GUCY1A2: variants seen among roughly 807,000 people sequenced by gnomAD.
GUCY1A2 encodes guanylate cyclase soluble subunit alpha-2.
GUCY1A2 carries 27 observed loss-of-function variants against 63.5 expected under a neutral mutation model. The observed-to-expected ratio is 0.43, with a 90% confidence interval of 0.31 to 0.59. GUCY1A2 has a LOEUF of 0.59. Ranked by LOEUF, GUCY1A2 falls within the 20% of genes least tolerant of loss-of-function variation. The pLI is 0.11. For synonymous variants in GUCY1A2, 364 were observed against 343.5 expected, an observed-to-expected ratio of 1.06 and a Z score of -0.66; for missense variants, 768 against 913.3, an observed-to-expected ratio of 0.84 and a Z score of 2.05.
intron 4 of GUCY1A2, among the ~76,000 whole-genome samples, chr11:106,858,736 G>C (rs1457629571): frequency 6.6e-6 from 1 of 151,994 alleles, no homozygotes; most frequent in Non-Finnish European, 1.5e-5. Flanking sequence ...TATTGTTCTA[G>C]GCCTAAATCT....
intron 1 of GUCY1A2, among the ~76,000 whole-genome samples, chr11:107,010,044 T>G (rs970881463): frequency 2.0e-5 from 3 of 152,194 alleles, no homozygotes; most frequent in African/African-American, 7.2e-5. Flanking sequence ...TGAGAGCTAC[T>G]AGATTAAATG....
At chr11:106,708,342 A>C (rs1321560876) in intron 7 of GUCY1A2, among the ~76,000 whole-genome samples, 170 bp downstream of exon 7, 2 of 152,108 alleles carry the variant, frequency 1.3e-5, no homozygotes, top group African/African-American at 4.8e-5. Flanking sequence ...CACAGAGTGC[A>C]AATAAAAGTT....
chr11:106,727,531 C>T (rs1287324203), intron 6 of GUCY1A2, among the ~76,000 whole-genome samples: 2 of 152,074 alleles, frequency 1.3e-5, no homozygotes, highest in Non-Finnish European at 2.9e-5. Context: ...TTTCTTATGC[C>T]CCTGAAGAAT....
At chr11:106,768,725 G>A (rs1864205020) in intron 6 of GUCY1A2, among the ~76,000 whole-genome samples, 1 of 152,154 alleles carries the variant, frequency 6.6e-6, no homozygotes, top group Non-Finnish European at 1.5e-5. Context: ...AGATATGGCA[G>A]AAGATAAACC....
chr11:106,813,330 G>T (rs887242424), intron 4 of GUCY1A2, among the ~76,000 whole-genome samples: 5 of 151,828 alleles, frequency 3.3e-5, no homozygotes, highest in Admixed American at 2.0e-4. Flanking sequence ...TTGGTTGTCA[G>T]GTTCTGTTAA....
chr11:106,955,290 G>A (rs1860968436), intron 3 of GUCY1A2, among the ~76,000 whole-genome samples: 1 of 152,046 alleles, frequency 6.6e-6, no homozygotes, highest in South Asian at 2.1e-4. Context: ...CTTTTAAGTG[G>A]GGCATTTAGC....
intron 4 of GUCY1A2, among the ~76,000 whole-genome samples, chr11:106,910,520 C>A (rs1025320812): frequency 2.0e-5 from 3 of 152,038 alleles, no homozygotes; most frequent in African/African-American, 7.2e-5. Context: ...CTGGCTCATC[C>A]ATGACTATGG....
At chr11:106,769,949 T>A (rs1227590158) in intron 6 of GUCY1A2, among the ~76,000 whole-genome samples, 1 of 152,052 alleles carries the variant, frequency 6.6e-6, no homozygotes, top group African/African-American at 2.4e-5. Context: ...ATTAATTAGG[T>A]TACCAAATAC....
intron 4 of GUCY1A2, among the ~76,000 whole-genome samples, chr11:106,843,713 C>T (rs1442524206): frequency 6.6e-6 from 1 of 151,872 alleles, no homozygotes; most frequent in African/African-American, 2.4e-5. Flanking sequence ...AGATGGTTTA[C>T]CCAAAGTTTC....
chr11:106,682,055 G>A lies in GUCY1A2; in HGVS notation c.*5494C>T, dbSNP rs1185548433. ...ACTGCACAGCTCTGGCAGTAACTAAGAAAATGGTACTGTATCTAGTATGCC... is the reference window on the plus strand; with the variant it reads ...ACTGCACAGCTCTGGCAGTAACTAAAAAAATGGTACTGTATCTAGTATGCC... On this transcript the variant is annotated 3_prime_UTR_variant, in exon 8 of 8. Transcript: ENST00000526355. The A allele has an allele frequency of 9.5e-6, 2 of 209,562 alleles. No homozygotes were observed. Among genetic ancestry groups the A allele is most frequent in the Non-Finnish European group, 1.9e-5 (2 of 105,580 alleles). The allele number at this position is 209,562 out of a possible 1,614,324, so 13.0% of individuals were successfully genotyped here. A position where few individuals can be genotyped will look rare whatever the true frequency, so the allele number is the denominator to read the frequency against.
intron 5 of GUCY1A2, 24 bp downstream of exon 5, chr11:106,809,969 A>G (rs769503242): frequency 8.9e-6 from 13 of 1,456,036 alleles, no homozygotes; most frequent in Non-Finnish European, 1.2e-5. Flanking sequence ...AAACATTTAT[A>G]TGTAAGTAAC....
At chr11:106,944,215 C>CAAA (rs71041701) in intron 3 of GUCY1A2, among the ~76,000 whole-genome samples, 474 of 21,500 alleles carry the variant, frequency 0.022, 40 homozygotes, top group East Asian at 0.057. Flanking sequence ...ACCCTGTCTC[C>CAAA]AAAAAAAAAA....
intron 5 of GUCY1A2, among the ~76,000 whole-genome samples, chr11:106,806,039 T>G (rs1468680301): frequency 6.6e-6 from 1 of 152,120 alleles, no homozygotes; most frequent in Non-Finnish European, 1.5e-5. Context: ...ATTTTATTCT[T>G]TTCTAAAAAG....
chr11:106,981,957 A>G (rs1745763765), intron 2 of GUCY1A2, among the ~76,000 whole-genome samples: 1 of 152,178 alleles, frequency 6.6e-6, no homozygotes, highest in Non-Finnish European at 1.5e-5. Flanking sequence ...AGTAATAATA[A>G]TTCAATTCAT....
intron 4 of GUCY1A2, among the ~76,000 whole-genome samples, chr11:106,839,694 T>C (rs1859169291): frequency 6.6e-6 from 1 of 151,538 alleles, no homozygotes; most frequent in African/African-American, 2.4e-5. Flanking sequence ...AAAGGATGAG[T>C]TCATGTCCTT....
At chr11:106,873,945 C>T (rs745435926) in intron 4 of GUCY1A2, among the ~76,000 whole-genome samples, 4 of 152,256 alleles carry the variant, frequency 2.6e-5, no homozygotes, top group Middle Eastern at 3.4e-3. Context: ...CTCTGCCTAG[C>T]GTGCTCTTTG....
chr11:106,998,861 A>T (rs959405710), intron 1 of GUCY1A2, among the ~76,000 whole-genome samples: 3 of 152,158 alleles, frequency 2.0e-5, no homozygotes, highest in African/African-American at 7.2e-5. Flanking sequence ...AAAATGCTAT[A>T]TATTATTATT....
chr11:106,961,021 G>A (rs925638419), intron 3 of GUCY1A2, among the ~76,000 whole-genome samples: 1 of 152,098 alleles, frequency 6.6e-6, no homozygotes, highest in Non-Finnish European at 1.5e-5. Flanking sequence ...CTAGTGAGAT[G>A]CACTGGCATA....
chr11:106,689,326 T>TA (rs200134335), intron 7 of GUCY1A2, among the ~76,000 whole-genome samples: 35 of 152,012 alleles, frequency 2.3e-4, no homozygotes, highest in Admixed American at 1.3e-3. Context: ...TAATGGCAGT[T>TA]AAAAAAAACC....
Sources: allele counts gnomAD v4.1 joint callset (sites outside exome capture counted in the v4.1 genomes callset), GRCh38; gene constraint gnomAD v4.1.1; transcripts MANE v1.5; gene names NCBI Gene and HGNC (gene_info 2026-07-23, HGNC 2026-07-21).